Variants in MECOM observed in about 807,000 individuals in gnomAD.
MECOM encodes histone-lysine N-methyltransferase MECOM.
MECOM carries 13 observed loss-of-function variants against 116.3 expected under a neutral mutation model. The observed-to-expected ratio is 0.11, with a 90% CI of 0.07 to 0.18. MECOM has a LOEUF of 0.18. Among genes scored for constraint, MECOM ranks in the 10% least tolerant of loss-of-function variants. The probability of loss-of-function intolerance (pLI) is 1.00; values close to 1 mark genes in which losing one functional copy is unlikely to be tolerated. For synonymous variants in MECOM, 528 were observed against 535.2 expected, an observed-to-expected ratio of 0.99 and a Z score of 0.19; for missense variants, 1,299 against 1,509.0, an observed-to-expected ratio of 0.86 and a Z score of 2.31.
chr3:169,172,760 G>A (rs35209091), intron 2 of MECOM, among the ~76,000 whole-genome samples: 3 of 152,140 alleles, frequency 2.0e-5, no homozygotes, highest in Non-Finnish European at 4.4e-5. Flanking sequence ...AGGGGGCTAA[G>A]GACATAATAC....
intron 1 of MECOM, among the ~76,000 whole-genome samples, chr3:169,394,224 A>G (rs894896342): frequency 1.3e-5 from 2 of 152,216 alleles, no homozygotes; most frequent in African/African-American, 4.8e-5. Context: ...TTTAGCCAAC[A>G]AGACTTCTAC....
chr3:169,490,220 C>T lies in MECOM; in HGVS notation c.38-108696G>A, dbSNP rs533467056. ...ATGAGAGGACAGGATGAAGAGAGAT[C>T]TAGCAAAAATAGAAATTGAATCACT... On this transcript the variant is annotated intron_variant, in intron 1 of 16. Coordinates refer to ENST00000651503, the MANE Select transcript of MECOM (RefSeq NM_004991.4). Among the ~76,000 whole-genome samples the T allele has an allele frequency of 1.1e-4, 16 of 152,236 alleles. No homozygotes were observed. The South Asian group carries it at 3.3e-3, about 32-fold the overall frequency.
At chr3:169,616,029 G>A (rs1243333428) in intron 1 of MECOM, among the ~76,000 whole-genome samples, 3 of 152,204 alleles carry the variant, frequency 2.0e-5, no homozygotes, top group African/African-American at 7.2e-5. Context: ...CAGCCAGCCA[G>A]CCCTTGAAAC....
At chr3:169,657,331 A>G (rs369119540) in intron 1 of MECOM, among the ~76,000 whole-genome samples, 3 of 152,362 alleles carry the variant, frequency 2.0e-5, no homozygotes, top group South Asian at 4.1e-4. Context: ...ACGTGAGAGA[A>G]TGGCTTCACA....
intron 2 of MECOM, among the ~76,000 whole-genome samples, chr3:169,367,366 G>T (rs533206890): frequency 7.3e-5 from 11 of 151,438 alleles, no homozygotes; most frequent in Admixed American, 3.3e-4. Flanking sequence ...TTTTGTGGGG[G>T]TAGGCAGAAG....
intron 1 of MECOM, among the ~76,000 whole-genome samples, chr3:169,500,580 T>C (rs762292055): frequency 6.6e-6 from 1 of 151,848 alleles, no homozygotes; most frequent in Non-Finnish European, 1.5e-5. Flanking sequence ...TAATAGTTTA[T>C]ACAAAAAAAC....
At chr3:169,134,987 T>G (rs934232868) in intron 3 of MECOM, among the ~76,000 whole-genome samples, 3 of 152,058 alleles carry the variant, frequency 2.0e-5, no homozygotes. Flanking sequence ...AACAAAGGAG[T>G]GATTTATATA....
intron 1 of MECOM, among the ~76,000 whole-genome samples, chr3:169,457,183 C>A (rs1343443853): frequency 6.6e-6 from 1 of 152,206 alleles, no homozygotes; most frequent in Non-Finnish European, 1.5e-5. Flanking sequence ...CCCTTCCAAG[C>A]ACCCCTTCCC....
intron 1 of MECOM, among the ~76,000 whole-genome samples, chr3:169,652,576 G>T (rs1459349957): frequency 6.6e-6 from 1 of 152,172 alleles, no homozygotes; most frequent in Non-Finnish European, 1.5e-5. Flanking sequence ...TATAGAGATG[G>T]TTGATTTGTG....
intron 2 of MECOM, among the ~76,000 whole-genome samples, chr3:169,203,990 T>C (rs966772100): frequency 6.6e-6 from 1 of 152,138 alleles, no homozygotes; most frequent in African/African-American, 2.4e-5. Context: ...ATGGCTTAGG[T>C]GTAAATTTAT....
In MECOM at chr3:169,086,639, T is replaced by C. The variant is rs897592805; in HGVS notation, c.3586-1596A>G. The stretch of plus-strand genomic sequence containing the variant: ...GAGGAATCACATGCACTAACTTACA[T>C]AAAGTGTTTAGCTCAGTGTGCCTGA... On this transcript the variant is annotated intron_variant, in intron 16 of 16. Transcript: ENST00000651503. 2.6e-5 allele frequency: 18 copies of C among 697,154 alleles called. No individual in the cohort carries two copies. In the African/African-American group the frequency reaches 3.0e-4, roughly 12 times the overall value. 43.2% of individuals were successfully genotyped at this position (697,154 alleles called of 1,614,324 possible).
intron 1 of MECOM, among the ~76,000 whole-genome samples, chr3:169,433,892 C>T (rs1396434670): frequency 2.0e-5 from 3 of 151,950 alleles, no homozygotes; most frequent in Non-Finnish European, 2.9e-5. Flanking sequence ...GGAGAAGCAC[C>T]TATCTAGAGA....
intron 1 of MECOM, among the ~76,000 whole-genome samples, chr3:169,409,983 T>C (rs1363651971): frequency 6.6e-6 from 1 of 152,240 alleles, no homozygotes; most frequent in East Asian, 1.9e-4. Flanking sequence ...TATTTATCAT[T>C]CACCAATACT....
Position 169,498,781 on chromosome 3 carries a change from T to G in MECOM, c.38-117257A>C, listed in dbSNP as rs9637452. ...TAGAAGGGAAACCTATACAAAGAAA[T>G]AGAAATAACTAAGCAATCTGAAATG... is the stretch of plus-strand genomic sequence containing the variant. On this transcript the variant is annotated intron_variant, in intron 1 of 16. Coordinates refer to ENST00000651503, the MANE Select transcript of MECOM (RefSeq NM_004991.4). 0.018 allele frequency among the ~76,000 whole-genome samples: 2,785 copies of G among 151,972 alleles called. 251 individuals carry two copies. In the East Asian group the frequency reaches 0.3, roughly 16 times the overall value.
intron 1 of MECOM, among the ~76,000 whole-genome samples, chr3:169,637,779 TA>T (rs1176391053): frequency 2.6e-5 from 4 of 152,212 alleles, no homozygotes; most frequent in African/African-American, 7.2e-5. Flanking sequence ...CTCTTCAAAT[TA>T]AAAATCAATA....
chr3:169,235,306 A>AT (rs907669778), intron 2 of MECOM, among the ~76,000 whole-genome samples: 21 of 151,356 alleles, frequency 1.4e-4, no homozygotes, highest in Admixed American at 3.3e-4. Context: ...CCTATCATTC[A>AT]TTTTTTTTTA....
intron 11 of MECOM, 102 bp from the exon 12 acceptor site, chr3:169,101,064 G>C (rs1723402774): frequency 1.7e-6 from 1 of 598,886 alleles, no homozygotes; most frequent in African/African-American, 1.9e-5. Flanking sequence ...AATTAATCTT[G>C]CATGGAACTC....
At chr3:169,201,973 TAGC>T (rs1749211573) in intron 2 of MECOM, among the ~76,000 whole-genome samples, 1 of 152,130 alleles carries the variant, frequency 6.6e-6, no homozygotes, top group Admixed American at 6.6e-5. Flanking sequence ...TTATTTATAT[TAGC>T]AGTCCTTTCA....
At chr3:169,496,407 GT>G (rs1358730861) in intron 1 of MECOM, among the ~76,000 whole-genome samples, 1 of 152,162 alleles carries the variant, frequency 6.6e-6, no homozygotes, top group Non-Finnish European at 1.5e-5. Context: ...ATTTCCTCAA[GT>G]TTTCTAAAAC....
Sources: allele counts gnomAD v4.1 joint callset (sites outside exome capture counted in the v4.1 genomes callset), GRCh38; gene constraint gnomAD v4.1.1; transcripts MANE v1.5; gene names NCBI Gene and HGNC (gene_info 2026-07-23, HGNC 2026-07-21).